The following CSMD3 variants were observed in gnomAD, a reference collection of about 807,000 sequenced individuals.
CSMD3 encodes the protein CUB and sushi domain-containing protein 3.
A neutral mutation model predicts 435.2 loss-of-function variants in CSMD3; 177 were observed. The observed-to-expected ratio is 0.41, with a 90% CI of 0.36 to 0.46. The LOEUF (loss-of-function observed/expected upper bound fraction) is 0.46. CSMD3 is among the 20% of genes least tolerant of loss of function. The pLI is 0.34. For missense variants in CSMD3, 4,265 were observed against 4,504.6 expected (o/e 0.95, Z 1.52); for synonymous variants, 1,656 against 1,520.5 (o/e 1.09, Z -2.07).
At chr8:113,206,183 T>C (rs1376195106) in intron 3 of CSMD3, among the ~76,000 whole-genome samples, 1 of 152,134 alleles carries the variant, frequency 6.6e-6, no homozygotes, top group African/African-American at 2.4e-5. Context: ...GACTACAAAA[T>C]TGCACATGTC....
In CSMD3 at chr8:112,984,109, T is replaced by C. The variant is rs200698300; in HGVS notation, c.1031-7961A>G. Among the ~76,000 whole-genome samples the C allele has an allele frequency of 1.6e-4, 24 of 152,058 alleles. No individual in the cohort carries two copies. In the East Asian group the frequency reaches 3.9e-3, roughly 24 times the overall value. On this transcript the variant is annotated intron_variant, in intron 6 of 70. Coordinates refer to ENST00000297405, the MANE Select transcript of CSMD3 (RefSeq NM_198123.2). ...TCAGAAATGATAAGAATATAGTCTA[T>C]CATCAAAGCTATCATTGCCCTAAAA... is the stretch of plus-strand genomic sequence containing the variant.
intron 10 of CSMD3, among the ~76,000 whole-genome samples, chr8:112,920,634 AGAT>A (rs1324781862): frequency 1.3e-5 from 2 of 151,822 alleles, no homozygotes; most frequent in Non-Finnish European, 2.9e-5. Context: ...TAGTATTTAA[AGAT>A]GATGATATTT....
At chr8:112,656,413 CTATT>C in intron 17 of CSMD3, 72 bp from the exon 18 acceptor site, 1 of 1,114,028 alleles carries the variant, frequency 9.0e-7, no homozygotes, top group Non-Finnish European at 1.3e-6. Flanking sequence ...CTTTGGACTG[CTATT>C]TAAATTCCTA....
At chr8:112,384,992 T>G (rs932294757) in intron 36 of CSMD3, among the ~76,000 whole-genome samples, 1 of 152,198 alleles carries the variant, frequency 6.6e-6, no homozygotes, top group African/African-American at 2.4e-5. Context: ...AAGGAAATTA[T>G]TGAGTGTCTA....
intron 4 of CSMD3, among the ~76,000 whole-genome samples, chr8:113,147,327 A>G (rs2131761857): frequency 6.6e-6 from 1 of 151,888 alleles, no homozygotes; most frequent in South Asian, 2.1e-4. Flanking sequence ...ATTGCATAAA[A>G]GTTTTCATTG....
chr8:112,695,144 C>A (rs771027557), intron 13 of CSMD3, among the ~76,000 whole-genome samples: 2 of 152,164 alleles, frequency 1.3e-5, no homozygotes, highest in Non-Finnish European at 2.9e-5. Flanking sequence ...TCTCTCCTGA[C>A]ACTCAAATAC....
rs557498002 is a variant in CSMD3, at chr8:112,947,830, C to T, written c.1468G>A (p.Gly490Arg). 3.2e-6 allele frequency: 5 copies of T among 1,544,976 alleles called. No individual in the cohort carries two copies. The African/African-American group carries it at 5.4e-5, about 17-fold the overall frequency. ...KTASNLCPDP[G>R]EPENGKRIGS... ...ATTCTCTTCCCATTTTCTGGTTCTC[C>T]TGGATCTGGGCATAAATTGGAAGCT... Residue 490 changes from glycine (G) to arginine (R), a missense_variant, in exon 9 of 71, where the codon GGA becomes AGA. Physicochemically the swap from Gly to Arg is moderately radical, Grantham distance 125. Around this residue, in one of 3 missense-constraint regions of CSMD3, gnomAD observed 731 missense variants for 755.4 expected, o/e 0.97. Transcript: ENST00000297405.
At chr8:112,829,901 AC>A (rs2079815737) in intron 11 of CSMD3, 112 bp from the exon 12 acceptor site, 2 of 624,526 alleles carry the variant, frequency 3.2e-6, no homozygotes, top group African/African-American at 4.3e-5. Context: ...ACACACACAC[AC>A]ACACACACAC....
At chr8:112,905,196 CA>C (rs1379558814) in intron 10 of CSMD3, among the ~76,000 whole-genome samples, 1 of 151,136 alleles carries the variant, frequency 6.6e-6, no homozygotes, top group Non-Finnish European at 1.5e-5. Flanking sequence ...ATTTTAGTTT[CA>C]ATTACCTCTA....
At chr8:113,403,119 A>C (rs1238071081) in intron 1 of CSMD3, among the ~76,000 whole-genome samples, 5 of 151,262 alleles carry the variant, frequency 3.3e-5, no homozygotes, top group Non-Finnish European at 7.4e-5. Context: ...GATTTAATAA[A>C]TCCACAGCTG....
At chr8:113,269,752 C>T (rs896930916) in intron 3 of CSMD3, among the ~76,000 whole-genome samples, 12 of 152,024 alleles carry the variant, frequency 7.9e-5, no homozygotes, top group African/African-American at 2.4e-4. Context: ...GGAAAACTGG[C>T]TAGCCATATG....
intron 9 of CSMD3, among the ~76,000 whole-genome samples, chr8:112,936,084 A>T (rs968336209): frequency 2.6e-5 from 4 of 152,080 alleles, no homozygotes; most frequent in African/African-American, 9.7e-5. Flanking sequence ...TTATGAAAAA[A>T]ATGCTAATAT....
chr8:112,295,805 T>C (rs368714448), intron 54 of CSMD3, 28 bp downstream of exon 54: 357 of 1,605,984 alleles, frequency 2.2e-4, no homozygotes, highest in Non-Finnish European at 2.9e-4. Context: ...ATCAGAGGTC[T>C]CTAATTGCTT....
intron 3 of CSMD3, among the ~76,000 whole-genome samples, chr8:113,192,111 T>C (rs1564410310): frequency 6.6e-6 from 1 of 151,736 alleles, no homozygotes; most frequent in Admixed American, 6.6e-5. Context: ...TGTTGATGTG[T>C]TTAACTTCCT....
intron 5 of CSMD3, among the ~76,000 whole-genome samples, chr8:113,026,420 T>C (rs778733151): frequency 4.6e-5 from 7 of 152,212 alleles, no homozygotes; most frequent in Admixed American, 1.3e-4. Flanking sequence ...ATTCATTGTT[T>C]TGGTCCTTTG....
At chr8:112,699,427 C>T (rs528335655) in intron 13 of CSMD3, among the ~76,000 whole-genome samples, 45 of 152,180 alleles carry the variant, frequency 3.0e-4, no homozygotes, top group African/African-American at 8.2e-4. Flanking sequence ...GAACCAATTC[C>T]GAACACAGAG....
chr8:112,460,810 T>C (rs1418294148), intron 32 of CSMD3, among the ~76,000 whole-genome samples: 1 of 152,136 alleles, frequency 6.6e-6, no homozygotes, highest in East Asian at 1.9e-4. Context: ...TAAATCTCTG[T>C]TCGAGTTTCT....
intron 17 of CSMD3, among the ~76,000 whole-genome samples, chr8:112,665,461 G>C (rs1428025644): frequency 6.6e-6 from 1 of 152,052 alleles, no homozygotes; most frequent in Non-Finnish European, 1.5e-5. Context: ...TTCAATGAAA[G>C]ACCTTTTGAG....
At chr8:112,371,602 G>T (rs534646349) in intron 38 of CSMD3, among the ~76,000 whole-genome samples, 2 of 152,172 alleles carry the variant, frequency 1.3e-5, no homozygotes, top group South Asian at 2.1e-4. Context: ...AAAAACAAAT[G>T]ACAAAGGATG....
Sources: allele counts gnomAD v4.1 joint callset (sites outside exome capture counted in the v4.1 genomes callset), GRCh38; gene constraint gnomAD v4.1.1; regional missense constraint gnomAD v4.1.1; transcripts MANE v1.5; gene names NCBI Gene and HGNC (gene_info 2026-07-23, HGNC 2026-07-21).